The following METTL15 variants were observed in gnomAD, a reference collection of about 807,000 sequenced individuals.
METTL15 encodes methyltransferase 15, mitochondrial 12S rRNA N4-cytidine, also known as 12S rRNA N(4)-cytidine methyltransferase METTL15.
METTL15 carries 34 observed loss-of-function variants against 38.3 expected under a neutral mutation model. The observed-to-expected ratio is 0.89, with a 90% CI of 0.68 to 1.18. METTL15 has a LOEUF of 1.18. Ranked by LOEUF, METTL15 falls within the 50% of genes most tolerant of loss-of-function variation. The probability of loss-of-function intolerance (pLI) is 0.00; values close to 1 mark genes in which losing one functional copy is unlikely to be tolerated. For missense variants in METTL15, 438 were observed against 498.4 expected (o/e 0.88, Z 1.15); for synonymous variants, 162 against 170.9 (o/e 0.95, Z 0.41).
Position 28,330,599 on chromosome 11 carries a change from A to G in METTL15, c.982A>G (p.Ile328Val), listed in dbSNP as rs567970988. Residue 328 changes from isoleucine (I) to valine (V), a missense_variant, in exon 7 of 7, where the codon ATC becomes GTC. Ile to Val is a conservative substitution (Grantham distance 29). Coordinates refer to ENST00000407364, the MANE Select transcript of METTL15 (RefSeq NM_001113528.2). The stretch of plus-strand genomic sequence containing the variant: ...CTCCTTCCATTCACTAGAGGATCGC[A>G]TCGTCAAAAGATTTTTGCTTGGAAT... ...ALSFHSLEDR[I>V]VKRFLLGISM... The G allele has an allele frequency of 7.1e-6, 11 of 1,551,496 alleles. No individual in the cohort carries two copies. The highest frequency in any genetic ancestry group is 9.6e-6 in the Non-Finnish European group (11 of 1,146,848).
intron 3 of METTL15, among the ~76,000 whole-genome samples, chr11:28,208,270 C>G (rs1326669882): frequency 6.6e-6 from 1 of 152,154 alleles, no homozygotes; most frequent in African/African-American, 2.4e-5. Flanking sequence ...TCCCTCTATA[C>G]TCTGCTTTGA....
chr11:28,421,289 G>A (rs1190221836), intron 5 of METTL15, among the ~76,000 whole-genome samples: 2 of 151,970 alleles, frequency 1.3e-5, no homozygotes, highest in Non-Finnish European at 2.9e-5. Flanking sequence ...AACATTTAAA[G>A]AAGAACTAAT....
chr11:28,223,424 T>A (rs1184139434), intron 4 of METTL15, among the ~76,000 whole-genome samples: 1 of 152,094 alleles, frequency 6.6e-6, no homozygotes, highest in African/African-American at 2.4e-5. Flanking sequence ...CAATAATGGA[T>A]CGATCAATGG....
At chr11:28,236,286 T>C (rs1363067106) in intron 4 of METTL15, among the ~76,000 whole-genome samples, 2 of 152,212 alleles carry the variant, frequency 1.3e-5, no homozygotes, top group African/African-American at 4.8e-5. Context: ...GTTGTGTCTC[T>C]GCCTGGCTTT....
chr11:28,209,746 T>C (rs1036329856), intron 3 of METTL15, among the ~76,000 whole-genome samples: 1 of 151,996 alleles, frequency 6.6e-6, no homozygotes, highest in East Asian at 1.9e-4. Context: ...AATCAAAGCA[T>C]AATTGCATGC....
At position 28,492,871 on chromosome 11, in the gene METTL15, A is replaced by G. The variant is rs1195440205; in HGVS notation, c.*425-33607A>G. On this transcript the variant is annotated intron_variant and NMD_transcript_variant, in intron 6 of 7. Coordinates refer to the METTL15 transcript ENST00000532947. The stretch of plus-strand genomic sequence containing the variant: ...TAAGGATTTTTCAGGTACATCAGGT[A>G]CATAATGAAGTAGGCATATTATTTG... Among the ~76,000 whole-genome samples the G allele has an allele frequency of 1.3e-5, 2 of 152,178 alleles. 1 individual carries two copies. Among genetic ancestry groups the G allele is most frequent in the Admixed American group, 1.3e-4 (2 of 15,284 alleles).
chr11:28,271,360 G>A (rs1196260494), intron 4 of METTL15, among the ~76,000 whole-genome samples: 2 of 152,116 alleles, frequency 1.3e-5, no homozygotes, highest in Non-Finnish European at 2.9e-5. Context: ...GTTAAGATAT[G>A]TGGTCCCTCC....
At chr11:28,353,959 C>T (rs1468381818) in intron 4 of METTL15, among the ~76,000 whole-genome samples, 4 of 147,652 alleles carry the variant, frequency 2.7e-5, no homozygotes, top group Admixed American at 1.3e-4. Context: ...AAAAAGGTGT[C>T]AAGCAATGTC....
intron 4 of METTL15, among the ~76,000 whole-genome samples, chr11:28,216,188 T>C (rs1256304424): frequency 6.6e-6 from 1 of 152,082 alleles, no homozygotes; most frequent in Non-Finnish European, 1.5e-5. Flanking sequence ...AAGATGTTTT[T>C]TGAATTAAAA....
chr11:28,194,217 A>G (rs945493602), intron 3 of METTL15, among the ~76,000 whole-genome samples: 1 of 131,192 alleles, frequency 7.6e-6, no homozygotes, highest in Non-Finnish European at 1.6e-5. Context: ...CTCTCTTAAT[A>G]TATGGAGTTT....
intron 3 of METTL15, among the ~76,000 whole-genome samples, chr11:28,346,686 A>G (rs1161502845): frequency 6.6e-6 from 1 of 152,234 alleles, no homozygotes; most frequent in East Asian, 1.9e-4. Context: ...TTACAACAAT[A>G]ACAATGTTTA....
intron 4 of METTL15, among the ~76,000 whole-genome samples, chr11:28,288,709 G>A (rs1856389357): frequency 6.6e-6 from 1 of 151,950 alleles, no homozygotes; most frequent in African/African-American, 2.4e-5. Flanking sequence ...AATAACTAAT[G>A]GATACTAGGC....
At chr11:28,443,613 C>A (rs1480332244) in intron 6 of METTL15, among the ~76,000 whole-genome samples, 1 of 152,106 alleles carries the variant, frequency 6.6e-6, no homozygotes, top group African/African-American at 2.4e-5. Context: ...ATGTTTACAC[C>A]CGAAACCTGC....
chr11:28,158,003 C>T (rs1850322504), intron 3 of METTL15, among the ~76,000 whole-genome samples: 1 of 152,156 alleles, frequency 6.6e-6, no homozygotes, highest in Non-Finnish European at 1.5e-5. Context: ...GAACTTCAAG[C>T]AGTGTACCTG....
chr11:28,459,995 G>C (rs898041516), intron 6 of METTL15, among the ~76,000 whole-genome samples: 1 of 152,012 alleles, frequency 6.6e-6, no homozygotes, highest in Non-Finnish European at 1.5e-5. Flanking sequence ...ATTTATTTAT[G>C]TGTTTTTGAA....
chr11:28,229,708 A>G (rs1161200410), intron 4 of METTL15, among the ~76,000 whole-genome samples: 1 of 151,966 alleles, frequency 6.6e-6, no homozygotes, highest in African/African-American at 2.4e-5. Flanking sequence ...CCCAGCCTCT[A>G]GAACTATGAG....
At chr11:28,290,495 T>G in intron 5 of METTL15, 98 bp downstream of exon 5, 1 of 1,049,710 alleles carries the variant, frequency 9.5e-7, no homozygotes, top group Non-Finnish European at 1.4e-6. Flanking sequence ...TTCCATTACA[T>G]GCCTACACCT....
At chr11:28,374,869 G>A (rs11030301) in intron 5 of METTL15, among the ~76,000 whole-genome samples, 60,860 of 147,834 alleles carry the variant, frequency 0.41, 13,412 homozygotes, top group Admixed American at 0.52. Flanking sequence ...AGAGTTTTTA[G>A]CATGAAGGGT....
intron 5 of METTL15, among the ~76,000 whole-genome samples, chr11:28,290,872 GT>G (rs1856484804): frequency 6.6e-6 from 1 of 150,622 alleles, no homozygotes; most frequent in African/African-American, 2.4e-5. Context: ...CAGTCACTTT[GT>G]TTGAACCTTC....
Sources: allele counts gnomAD v4.1 joint callset (sites outside exome capture counted in the v4.1 genomes callset), GRCh38; gene constraint gnomAD v4.1.1; transcripts MANE v1.5; gene names NCBI Gene and HGNC (gene_info 2026-07-23, HGNC 2026-07-21).